ABHD2: variants seen among roughly 807,000 people sequenced by gnomAD.
ABHD2 encodes the protein abhydrolase domain containing 2, acylglycerol lipase.
Under a neutral mutation model 48.1 loss-of-function variants are expected in ABHD2, and 20 were observed. The observed-to-expected ratio is 0.42, with a 90% confidence interval of 0.29 to 0.60. ABHD2 has a LOEUF of 0.60. Ranked by LOEUF, ABHD2 falls within the 20% of genes least tolerant of loss-of-function variation. ABHD2 has a pLI of 0.24. For missense variants in ABHD2, 405 were observed against 550.9 expected, an observed-to-expected ratio of 0.74 and a Z score of 2.65; for synonymous variants, 209 against 214.2, an observed-to-expected ratio of 0.98 and a Z score of 0.21.
At chr15:89,041,405 C>T in the ABHD2 span, 4 of 152,160 alleles carry the variant, frequency 2.6e-5, no homozygotes, top group Middle Eastern at 3.2e-3. Context: ...TTTACTATAA[C>T]TTATTTATTA....
At chr15:89,090,239 C>G (rs1901541150) in intron 1 of ABHD2, 1 of 152,160 alleles carries the variant, frequency 6.6e-6, no homozygotes, top group Non-Finnish European at 1.5e-5. Context: ...CTTGGGCAAG[C>G]TACTTAACTT....
At chr15:89,086,343 A>G (rs1269392358), upstream of ABHD2, among the ~76,000 whole-genome samples, 1 of 152,110 alleles carries the variant, frequency 6.6e-6, no homozygotes, top group African/African-American at 2.4e-5. Flanking sequence ...TTAAATTATT[A>G]TTAATTTTTA....
chr15:89,053,173 C>A, the ABHD2 span, among the ~76,000 whole-genome samples: 3 of 151,758 alleles, frequency 2.0e-5, no homozygotes, highest in African/African-American at 7.3e-5. Context: ...TCACTGTGTT[C>A]GCCAGGATGG....
the ABHD2 span, among the ~76,000 whole-genome samples, chr15:89,056,908 C>CGTTTTTT: frequency 1.1e-5 from 1 of 87,418 alleles, no homozygotes; most frequent in African/African-American, 4.6e-5. Flanking sequence ...TAAGTGATAC[C>CGTTTTTT]TTTTTTTTTT....
Position 89,146,355 on chromosome 15 carries a change from C to CGTGTGTGTGTGTGTGTGTGTGTGTGTGT in ABHD2, c.195-5305_195-5278dup, listed in dbSNP as rs4032279. ...TGAGCTTCATCTGCTCAAAGACGTACGTGTGTGTGTGTGTGTGTGTGTGTG... is the reference window on the plus strand; with the variant it reads ...TGAGCTTCATCTGCTCAAAGACGTACGTGTGTGTGTGTGTGTGTGTGTGTGTGTGTGTGTGTGTGTGTGTGTGTGTGTG... On this transcript the variant is annotated intron_variant, in intron 3 of 10. Coordinates refer to ENST00000352732, the MANE Select transcript of ABHD2 (RefSeq NM_152924.5). This position sits in a 1 kb window ranked among gnomAD's most constrained non-coding sequence, Gnocchi z 4.2. Among the ~76,000 whole-genome samples the CGTGTGTGTGTGTGTGTGTGTGTGTGTGT allele has an allele frequency of 8.2e-6, 1 of 121,554 alleles. No homozygotes were observed. The highest frequency in any genetic ancestry group is 8.5e-5 in the Admixed American group (1 of 11,710). The allele number at this position is 121,554 out of a possible 152,430, so 79.7% of individuals were successfully genotyped here.
rs1046761001 is a variant in ABHD2, at chr15:89,186,490, T to C, written c.815+974T>C. 6.6e-5 allele frequency among the ~76,000 whole-genome samples: 10 copies of C among 152,180 alleles called. 1 individual carries two copies. The highest frequency in any genetic ancestry group is 1.5e-4 in the Non-Finnish European group (10 of 68,032). On this transcript the variant is annotated intron_variant, in intron 7 of 10. Transcript: ENST00000352732. The surrounding 1 kb of genome is among the most constrained non-coding windows in gnomAD (Gnocchi z 4.3). ...CTGTGTCCCCTGGCCTCTGCCACAC[T>C]ACTTACTGCCCTTGCTGAGAATACT...
the ABHD2 span, among the ~76,000 whole-genome samples, chr15:89,069,674 C>CTTTTTTTTTTTTTTTTTTTTTTTT: frequency 4.3e-4 from 23 of 52,902 alleles, 5 homozygotes; most frequent in African/African-American, 5.9e-4. Flanking sequence ...TTCATTTACT[C>CTTTTTTTTTTTTTTTTTTTTTTTT]TTTTTTTTTT....
intron 3 of ABHD2, among the ~76,000 whole-genome samples, chr15:89,145,517 G>A (rs2050476357): frequency 6.6e-6 from 1 of 152,176 alleles, no homozygotes; most frequent in Non-Finnish European, 1.5e-5. Context: ...ATGGTTTAAT[G>A]TGGGCCGTGG....
chr15:89,084,427 G>C (rs1487519347), upstream of ABHD2, among the ~76,000 whole-genome samples: 1 of 152,072 alleles, frequency 6.6e-6, no homozygotes, highest in Non-Finnish European at 1.5e-5. This position sits in a 1 kb window ranked among gnomAD's most constrained non-coding sequence, Gnocchi z 4.4. Flanking sequence ...AGCCTCCCAA[G>C]TAGCTGGGAT....
chr15:89,107,288 CATGGTTCCATTTTAGAAGAT>C (rs932019638), intron 1 of ABHD2, among the ~76,000 whole-genome samples: 11 of 152,156 alleles, frequency 7.2e-5, no homozygotes, highest in Admixed American at 3.3e-4. Flanking sequence ...TTAAGTCTAA[CATGGTTCCATTTTAGAAGAT>C]ATGGTTCCAT....
chr15:89,041,926 C>G, the ABHD2 span, among the ~76,000 whole-genome samples: 1 of 152,294 alleles, frequency 6.6e-6, no homozygotes, highest in South Asian at 2.1e-4. Flanking sequence ...GGTCAAACAT[C>G]AGGGCAGGAG....
At chr15:89,043,678 AGG>A in the ABHD2 span, among the ~76,000 whole-genome samples, 8 of 118,066 alleles carry the variant, frequency 6.8e-5, no homozygotes, top group African/African-American at 2.6e-4. Flanking sequence ...GAGGAGGAGA[AGG>A]AGGAGGGGGA....
chr15:89,182,690 G>A lies in ABHD2; in HGVS notation c.723-2734G>A, dbSNP rs1353452673. On this transcript the variant is annotated intron_variant, in intron 6 of 10. Coordinates refer to ENST00000352732, the MANE Select transcript of ABHD2 (RefSeq NM_152924.5). The surrounding 1 kb of genome is among the most constrained non-coding windows in gnomAD (Gnocchi z 4.8). ...CACCTGTAGTCCCAGCTACTCGGGA[G>A]TCTGAAGCAGGAGAATCGCTTGAAC... 2.6e-5 allele frequency among the ~76,000 whole-genome samples: 4 copies of A among 152,208 alleles called. No individual in the cohort carries two copies. Among genetic ancestry groups the A allele is most frequent in the Non-Finnish European group, 5.9e-5 (4 of 68,034 alleles).
At chr15:89,077,527 G>T in the ABHD2 span, among the ~76,000 whole-genome samples, 1 of 152,062 alleles carries the variant, frequency 6.6e-6, no homozygotes, top group Non-Finnish European at 1.5e-5. Flanking sequence ...TTAATTTTGG[G>T]TTTACTTAAT....
the ABHD2 span, among the ~76,000 whole-genome samples, chr15:89,077,811 G>A: frequency 2.0e-4 from 30 of 152,038 alleles, no homozygotes; most frequent in African/African-American, 7.0e-4. Context: ...AAGTTAACCT[G>A]GTCTGCTTTT....
rs567137139 is a variant in ABHD2 at position 89,110,206 on chromosome 15, C to T, written c.-106-3519C>T. Among the ~76,000 whole-genome samples the T allele has an allele frequency of 1.5e-4, 23 of 152,174 alleles. No individual in the cohort carries two copies. In the East Asian group the frequency reaches 2.9e-3, roughly 19 times the overall value. On this transcript the variant is annotated intron_variant, in intron 1 of 10. Transcript: ENST00000352732. ...CTGCCTCAGCCTGGGATTACAGGCA[C>T]GTGCCACCATACCTGGCTAATTTTT...
rs368265 is a variant in ABHD2, at chr15:89,097,507, A to T, written c.-107+8944A>T. The stretch of plus-strand genomic sequence containing the variant: ...AGGATTCAAGTAAGGATTAGACATT[A>T]TGATTGATTGCTCTACCATTTATGT... On this transcript the variant is annotated intron_variant, in intron 1 of 10. Transcript: ENST00000352732. The surrounding 1 kb of genome is among the most constrained non-coding windows in gnomAD (Gnocchi z 4.2). Among the ~76,000 whole-genome samples, 52,135 of 152,106 alleles carry T rather than the reference A, an allele frequency of 0.34. 9,796 individuals are homozygous for T. The highest frequency in any genetic ancestry group is 0.44 in the Non-Finnish European group (29,865 of 67,976).
Position 89,174,074 on chromosome 15 carries a change from A to G in ABHD2, c.539-1738A>G, listed in dbSNP as rs1193021945. Among the ~76,000 whole-genome samples the G allele has an allele frequency of 6.6e-6, 1 of 152,142 alleles. No homozygotes were observed. The highest frequency in any genetic ancestry group is 1.5e-5 in the Non-Finnish European group (1 of 68,024). Reference sequence around the variant, plus strand: ...AATATTCTGCGTCTTCATCTGGGCAATGCTTACCTGGGTATAAATGTGTAA... The same window carrying G: ...AATATTCTGCGTCTTCATCTGGGCAGTGCTTACCTGGGTATAAATGTGTAA... On this transcript the variant is annotated intron_variant, in intron 5 of 10. Transcript: ENST00000352732. The surrounding 1 kb of genome is among the most constrained non-coding windows in gnomAD (Gnocchi z 4.1).
Position 89,195,257 on chromosome 15 carries a change from C to A in ABHD2, c.1112C>A (p.Pro371His). Residue 371 changes from proline (P) to histidine (H), a missense_variant, in exon 11 of 11, where the codon CCT (proline) becomes CAT (histidine). Coordinates refer to ENST00000352732, the MANE Select transcript of ABHD2 (RefSeq NM_152924.5). The surrounding 1 kb of genome is among the most constrained non-coding windows in gnomAD (Gnocchi z 5.1). Reference protein sequence around the residue: ...EKRENVMFVLPLHGGHLGFFE... With the variant: ...EKRENVMFVLHLHGGHLGFFE... ...CGAGAGAACGTCATGTTTGTGCTGCCTCTGCATGGGGGCCACTTGGGCTTC... is the reference window on the plus strand; with the variant it reads ...CGAGAGAACGTCATGTTTGTGCTGCATCTGCATGGGGGCCACTTGGGCTTC... The A allele has an allele frequency of 6.2e-7, 1 of 1,614,132 alleles. No homozygotes were observed. The highest frequency in any genetic ancestry group is 8.5e-7 in the Non-Finnish European group (1 of 1,179,988).
Sources: gnomAD v4.1 joint callset for allele counts (sites outside exome capture counted in the v4.1 genomes callset) on GRCh38, gnomAD v4.1.1 for gene constraint, Gnocchi (gnomAD v3.1) non-coding constraint, MANE v1.5 for transcripts, NCBI Gene and HGNC (gene_info 2026-07-23, HGNC 2026-07-21) for gene names.